The following FER variants were observed in gnomAD, a reference collection of about 807,000 sequenced individuals.
FER encodes the protein tyrosine-protein kinase Fer.
Under a neutral mutation model 111.0 loss-of-function variants are expected in FER, and 63 were observed. The ratio of observed to expected loss-of-function variants is 0.57; its 90% CI spans 0.46 to 0.70. The LOEUF (loss-of-function observed/expected upper bound fraction) is 0.70. FER is among the 30% of genes least tolerant of loss of function. FER has a pLI of 0.00. For missense variants in FER, 914 were observed against 954.0 expected (o/e 0.96, Z 0.55); for synonymous variants, 327 against 313.9 (o/e 1.04, Z -0.44).
chr5:108,963,211 T>C (rs76450873), intron 13 of FER, among the ~76,000 whole-genome samples: 1,525 of 152,316 alleles, frequency 0.01, 21 homozygotes, highest in African/African-American at 0.035. Flanking sequence ...CATATTTAGA[T>C]GTTTTTAAGT....
chr5:108,868,857 A>G (rs1249643710), intron 6 of FER, among the ~76,000 whole-genome samples: 1 of 152,142 alleles, frequency 6.6e-6, no homozygotes, highest in Non-Finnish European at 1.5e-5. Context: ...TAGGTTTAGC[A>G]TATTTTGAAA....
chr5:108,909,205 A>G (rs1331048528), intron 10 of FER, among the ~76,000 whole-genome samples: 1 of 152,214 alleles, frequency 6.6e-6, no homozygotes, highest in Non-Finnish European at 1.5e-5. Flanking sequence ...AAGTTTTTAT[A>G]AAGAGAATGT....
At position 109,077,202 on chromosome 5, in the gene FER, G is replaced by A. The variant is rs369029457; in HGVS notation, c.1925-23194G>A. ...TTGAGGCACTGTGGGGCAAAAATGT[G>A]AATCACTCTTTCAGACAGTGAGGAG... On this transcript the variant is annotated intron_variant, in intron 16 of 19. Transcript: ENST00000281092. Among the ~76,000 whole-genome samples the A allele has an allele frequency of 5.6e-4, 86 of 152,306 alleles. No individual in the cohort carries two copies. The East Asian group carries it at 0.013, about 23-fold the overall frequency.
chr5:108,865,171 A>G (rs1432611767), intron 5 of FER, among the ~76,000 whole-genome samples: 1 of 152,162 alleles, frequency 6.6e-6, no homozygotes, highest in Non-Finnish European at 1.5e-5. Flanking sequence ...TTATTGGTGT[A>G]TAAGAATGCT....
At position 108,967,378 on chromosome 5, in the gene FER, G is replaced by A. The variant is rs368350055; in HGVS notation, c.1656+8031G>A. ...TAAGTCTGGGACTTCTATGGGCTCA[G>A]AATAGGGGAGTGTGTGCTGATTGGT... is the stretch of plus-strand genomic sequence containing the variant. On this transcript the variant is annotated intron_variant, in intron 13 of 19. Coordinates refer to ENST00000281092, the MANE Select transcript of FER (RefSeq NM_005246.4). Among the ~76,000 whole-genome samples the A allele has an allele frequency of 2.0e-5, 3 of 152,280 alleles. No homozygotes were observed. In the East Asian group the frequency reaches 5.8e-4, roughly 29 times the overall value.
At chr5:108,846,499 G>T (rs1192171740) in intron 5 of FER, among the ~76,000 whole-genome samples, 1 of 152,026 alleles carries the variant, frequency 6.6e-6, no homozygotes, top group Non-Finnish European at 1.5e-5. Context: ...GTCTTTTCAG[G>T]AATTTGTCCA....
At chr5:109,002,364 C>A (rs1254296049) in intron 13 of FER, among the ~76,000 whole-genome samples, 1 of 151,098 alleles carries the variant, frequency 6.6e-6, no homozygotes, top group Non-Finnish European at 1.5e-5. Flanking sequence ...GAAAAACAAG[C>A]AATGGGGAAA....
At chr5:108,748,676 A>C (rs1434850994) in intron 1 of FER, 1 of 151,988 alleles carries the variant, frequency 6.6e-6, no homozygotes, top group Non-Finnish European at 1.5e-5. Flanking sequence ...CCGCGTCTCC[A>C]CTCCCAGGGC....
rs1037354174 is a variant in FER, at chr5:109,008,606, G to C, written c.1657-28816G>C. Among the ~76,000 whole-genome samples the C allele has an allele frequency of 3.9e-5, 6 of 152,082 alleles. No individual in the cohort carries two copies. The South Asian group carries it at 1.2e-3, about 32-fold the overall frequency. ...TTCTCACCTTCCCTAGGCCTTTCAT[G>C]TATCATTTTCTCTGCTTTAAAAAAA... On this transcript the variant is annotated intron_variant, in intron 13 of 19. Coordinates refer to ENST00000281092, the MANE Select transcript of FER (RefSeq NM_005246.4).
At position 108,766,187 on chromosome 5, in the gene FER, C is replaced by G. The variant is rs113524613; in HGVS notation, c.-205-1906C>G. Among the ~76,000 whole-genome samples the G allele has an allele frequency of 5.7e-3, 871 of 152,268 alleles. 11 individuals carry two copies. The highest frequency in any genetic ancestry group is 0.02 in the African/African-American group (824 of 41,556). On this transcript the variant is annotated intron_variant, in intron 1 of 19. Transcript: ENST00000281092. ...ACTCAAGTGATCCTCCTGCCTTGGC[C>G]TCCCAAAGTGCTGACATTACTGGCA...
chr5:109,165,460 C>CCAAA (rs1756431417), intron 17 of FER, among the ~76,000 whole-genome samples: 1 of 151,990 alleles, frequency 6.6e-6, no homozygotes, highest in Non-Finnish European at 1.5e-5. Context: ...AAGATGTTAA[C>CCAAA]CAAAGGTCAT....
chr5:108,871,711 AGTT>A (rs1216472207), intron 7 of FER, among the ~76,000 whole-genome samples: 1 of 152,006 alleles, frequency 6.6e-6, no homozygotes, highest in Non-Finnish European at 1.5e-5. Context: ...AAAATTTGTT[AGTT>A]GTTAATCCAT....
rs117031954 is a variant in FER at position 109,038,978 on chromosome 5, T to C, written c.1713+1500T>C. Reference sequence around the variant, plus strand: ...ACGACAAGTAATATGTCAGTCTTAATGAATTTATTTTAAATAGAAGACTGT... The same window carrying C: ...ACGACAAGTAATATGTCAGTCTTAACGAATTTATTTTAAATAGAAGACTGT... On this transcript the variant is annotated intron_variant, in intron 14 of 19. Coordinates refer to ENST00000281092, the MANE Select transcript of FER (RefSeq NM_005246.4). 1.1e-3 allele frequency among the ~76,000 whole-genome samples: 169 copies of C among 152,220 alleles called. 3 individuals carry two copies. In the East Asian group the frequency reaches 0.031, roughly 28 times the overall value.
At chr5:108,978,894 CT>C (rs1256362832) in intron 13 of FER, among the ~76,000 whole-genome samples, 2 of 152,048 alleles carry the variant, frequency 1.3e-5, no homozygotes, top group East Asian at 3.9e-4. Context: ...GCCAATGAAA[CT>C]AAAAAATATT....
chr5:108,779,885 T>C (rs888679949), intron 2 of FER, among the ~76,000 whole-genome samples: 1 of 152,198 alleles, frequency 6.6e-6, no homozygotes, highest in Non-Finnish European at 1.5e-5. Flanking sequence ...AGGATCAAAA[T>C]AATAAAATAC....
intron 13 of FER, among the ~76,000 whole-genome samples, chr5:108,962,459 T>C (rs73211527): frequency 0.14 from 21,484 of 152,186 alleles, 1,958 homozygotes; most frequent in African/African-American, 0.26. Flanking sequence ...TATTTCTCTT[T>C]GTCATGCTAA....
chr5:108,836,094 C>G (rs981559626), intron 5 of FER, among the ~76,000 whole-genome samples: 1 of 151,954 alleles, frequency 6.6e-6, no homozygotes, highest in South Asian at 2.1e-4. Context: ...ATCATATTTA[C>G]TTATTTAATT....
At chr5:109,182,552 GT>G (rs1758392929) in intron 18 of FER, among the ~76,000 whole-genome samples, 1 of 152,218 alleles carries the variant, frequency 6.6e-6, no homozygotes, top group African/African-American at 2.4e-5. Flanking sequence ...TTACACAAAG[GT>G]TTTTGTTAGA....
intron 16 of FER, among the ~76,000 whole-genome samples, chr5:109,055,482 T>G (rs564967457): frequency 9.2e-5 from 14 of 151,796 alleles, no homozygotes; most frequent in Non-Finnish European, 1.8e-4. Flanking sequence ...AGCAAATAAC[T>G]CAGTTTAAAG....
Sources: gnomAD v4.1 joint callset for allele counts (sites outside exome capture counted in the v4.1 genomes callset) on GRCh38, gnomAD v4.1.1 for gene constraint, MANE v1.5 for transcripts, NCBI Gene and HGNC (gene_info 2026-07-23, HGNC 2026-07-21) for gene names.